SPATA16: variants seen among roughly 807,000 people sequenced by gnomAD.
SPATA16 encodes spermatogenesis associated 16.
A neutral mutation model predicts 63.3 loss-of-function variants in SPATA16; 36 were observed. The ratio of observed to expected loss-of-function variants is 0.57; its 90% CI spans 0.44 to 0.75. The LOEUF is 0.75. SPATA16 is among the 30% of genes least tolerant of loss of function. The pLI is 0.00. For synonymous variants in SPATA16, 203 were observed against 216.7 expected, an observed-to-expected ratio of 0.94 and a Z score of 0.56; for missense variants, 646 against 679.3, an observed-to-expected ratio of 0.95 and a Z score of 0.54.
intron 3 of SPATA16, among the ~76,000 whole-genome samples, chr3:173,029,886 G>T (rs1182909447): frequency 6.6e-6 from 1 of 151,990 alleles, no homozygotes; most frequent in Non-Finnish European, 1.5e-5. Flanking sequence ...GGGACCACAG[G>T]TGCATGCCAC....
chr3:173,005,817 A>C (rs951967079), intron 4 of SPATA16, among the ~76,000 whole-genome samples: 1 of 152,094 alleles, frequency 6.6e-6, no homozygotes, highest in African/African-American at 2.4e-5. Flanking sequence ...TATCCTTGCC[A>C]TTATTTACTA....
chr3:173,017,988 A>G (rs1735231335), intron 4 of SPATA16, among the ~76,000 whole-genome samples: 1 of 152,250 alleles, frequency 6.6e-6, no homozygotes, highest in Non-Finnish European at 1.5e-5. Flanking sequence ...ATTTCAGTGG[A>G]GTAAATAAAA....
At chr3:172,947,105 C>T (rs1262294255) in intron 6 of SPATA16, among the ~76,000 whole-genome samples, 1 of 152,174 alleles carries the variant, frequency 6.6e-6, no homozygotes, top group Non-Finnish European at 1.5e-5. Context: ...GGTGGTACCT[C>T]TAATGAGTCT....
intron 5 of SPATA16, among the ~76,000 whole-genome samples, chr3:172,970,627 G>C (rs1016771857): frequency 5.3e-5 from 8 of 152,166 alleles, no homozygotes; most frequent in African/African-American, 1.9e-4. Context: ...GCTGCTTTCA[G>C]ACATTCCTCA....
At chr3:172,926,007 G>A (rs991808124) in intron 6 of SPATA16, among the ~76,000 whole-genome samples, 12 of 151,956 alleles carry the variant, frequency 7.9e-5, no homozygotes, top group African/African-American at 2.4e-4. Flanking sequence ...TGTATTTTTA[G>A]TAGAGACGGG....
intron 2 of SPATA16, among the ~76,000 whole-genome samples, chr3:173,091,415 C>T (rs929807733): frequency 1.3e-5 from 2 of 151,884 alleles, no homozygotes; most frequent in Non-Finnish European, 2.9e-5. Flanking sequence ...ATTTTGTCTG[C>T]TTTCCACTTC....
intron 1 of SPATA16, among the ~76,000 whole-genome samples, chr3:173,138,796 G>T (rs1163120946): frequency 6.6e-6 from 1 of 152,156 alleles, no homozygotes; most frequent in African/African-American, 2.4e-5. Context: ...TCCTGTATCA[G>T]GTCAACTCAA....
At chr3:173,082,864 A>G (rs987533750) in intron 2 of SPATA16, among the ~76,000 whole-genome samples, 3 of 152,048 alleles carry the variant, frequency 2.0e-5, no homozygotes, top group Admixed American at 6.6e-5. Flanking sequence ...CAGTCATCCA[A>G]GTTTTTTTTT....
chr3:173,073,135 C>T (rs560614544), intron 2 of SPATA16, among the ~76,000 whole-genome samples: 13 of 152,310 alleles, frequency 8.5e-5, no homozygotes, highest in Admixed American at 2.0e-4. Context: ...CATTTCTAAG[C>T]AGCAAAGCAT....
At chr3:172,891,312 A>G (rs1284896276) in intron 10 of SPATA16, among the ~76,000 whole-genome samples, 5 of 152,218 alleles carry the variant, frequency 3.3e-5, no homozygotes, top group Non-Finnish European at 7.3e-5. Context: ...TTTAAAAACA[A>G]TTGTGTTCAT....
intron 1 of SPATA16, among the ~76,000 whole-genome samples, chr3:173,139,325 A>T (rs1246921729): frequency 6.6e-6 from 1 of 152,212 alleles, no homozygotes; most frequent in Admixed American, 6.5e-5. Context: ...GCTATGATAA[A>T]TTAGTCTTTA....
chr3:173,135,807 G>T (rs1258409762), intron 1 of SPATA16, among the ~76,000 whole-genome samples: 1 of 152,082 alleles, frequency 6.6e-6, no homozygotes, highest in Admixed American at 6.5e-5. Flanking sequence ...GAATGGAACA[G>T]GGGGAGCTCC....
At chr3:173,083,447 A>G (rs1736971078) in intron 2 of SPATA16, among the ~76,000 whole-genome samples, 1 of 152,176 alleles carries the variant, frequency 6.6e-6, no homozygotes, top group Non-Finnish European at 1.5e-5. Flanking sequence ...TTTTAAGTGA[A>G]AAATGTACAA....
At chr3:173,087,715 C>T (rs1306739127) in intron 2 of SPATA16, among the ~76,000 whole-genome samples, 1 of 152,076 alleles carries the variant, frequency 6.6e-6, no homozygotes, top group Admixed American at 6.6e-5. Context: ...CAAGGGAGGC[C>T]TGGTGGTGAT....
chr3:172,994,560 G>A (rs186307665), intron 4 of SPATA16, among the ~76,000 whole-genome samples: 2 of 152,052 alleles, frequency 1.3e-5, no homozygotes, highest in African/African-American at 2.4e-5. Context: ...GTGTGCACAC[G>A]CACGTGATGG....
intron 4 of SPATA16, among the ~76,000 whole-genome samples, chr3:172,981,975 T>C (rs181401666): frequency 6.6e-6 from 1 of 152,342 alleles, no homozygotes; most frequent in Admixed American, 6.5e-5. Context: ...AAATACTCAC[T>C]ATCTGGCTCT....
chr3:172,934,970 G>A (rs1053889172), intron 6 of SPATA16, among the ~76,000 whole-genome samples: 8 of 151,992 alleles, frequency 5.3e-5, no homozygotes, highest in East Asian at 1.9e-4. Context: ...TATTATCTAC[G>A]GCTTTGGAAC....
chr3:173,053,801 A>G (rs1736153759), intron 2 of SPATA16, among the ~76,000 whole-genome samples: 1 of 152,142 alleles, frequency 6.6e-6, no homozygotes, highest in South Asian at 2.1e-4. Flanking sequence ...TGAGTCATCA[A>G]ATGTCTACAA....
intron 6 of SPATA16, among the ~76,000 whole-genome samples, chr3:172,926,056 C>T (rs1449028685): frequency 2.0e-5 from 3 of 152,108 alleles, no homozygotes; most frequent in Non-Finnish European, 2.9e-5. Context: ...AAACTCCTGA[C>T]CTCAGGTGAT....
Sources: allele counts gnomAD v4.1 joint callset (sites outside exome capture counted in the v4.1 genomes callset), GRCh38; gene constraint gnomAD v4.1.1; transcripts MANE v1.5; gene names NCBI Gene and HGNC (gene_info 2026-07-23, HGNC 2026-07-21).